Variants in LRGUK observed in about 807,000 individuals in gnomAD.
The protein encoded by LRGUK is leucine rich repeats and guanylate kinase domain containing, also known as leucine-rich repeat and guanylate kinase domain-containing protein.
A neutral mutation model predicts 76.0 loss-of-function variants in LRGUK; 65 were observed. The ratio of observed to expected loss-of-function variants is 0.85; its 90% CI spans 0.70 to 1.05. The LOEUF (loss-of-function observed/expected upper bound fraction) is 1.05. Ranked by LOEUF, LRGUK falls within the 50% of genes least tolerant of loss-of-function variation. The pLI, the probability that LRGUK is intolerant of heterozygous loss-of-function variation, is 0.00. For synonymous variants in LRGUK, 268 were observed against 265.6 expected (o/e 1.01, Z -0.09); for missense variants, 758 against 732.8 (o/e 1.03, Z -0.40).
chr7:134,273,983 ACT>A, the LRGUK span, among the ~76,000 whole-genome samples: 1 of 151,996 alleles, frequency 6.6e-6, no homozygotes, highest in Admixed American at 6.6e-5. Flanking sequence ...GAAGTTTTTA[ACT>A]CTATATTTTC....
intron 16 of LRGUK, among the ~76,000 whole-genome samples, chr7:134,237,106 G>C (rs1585589164): frequency 7.7e-6 from 1 of 129,726 alleles, no homozygotes; most frequent in East Asian, 2.4e-4. Flanking sequence ...CCAGGCTGGA[G>C]TGCAGTGGCA....
At chr7:134,274,034 C>T in the LRGUK span, among the ~76,000 whole-genome samples, 1 of 152,100 alleles carries the variant, frequency 6.6e-6, no homozygotes, top group African/African-American at 2.4e-5. Context: ...TCCTGTCTTC[C>T]ACAAGCAGCA....
chr7:134,249,960 G>A (rs1159529706), intron 18 of LRGUK, among the ~76,000 whole-genome samples: 2 of 152,172 alleles, frequency 1.3e-5, no homozygotes, highest in South Asian at 2.1e-4. Context: ...GCCCTCATAG[G>A]TTGCTGGCTG....
chr7:134,231,954 T>C (rs145541968), intron 16 of LRGUK, among the ~76,000 whole-genome samples: 230 of 152,006 alleles, frequency 1.5e-3, no homozygotes, highest in African/African-American at 5.4e-3. Flanking sequence ...CTTCTTCCCA[T>C]TTCCTCACTT....
At chr7:134,154,108 C>T (rs1798354768) in intron 5 of LRGUK, among the ~76,000 whole-genome samples, 1 of 152,292 alleles carries the variant, frequency 6.6e-6, no homozygotes, top group African/African-American at 2.4e-5. Context: ...TACAATTTCA[C>T]TTTAAAAGAT....
intron 16 of LRGUK, among the ~76,000 whole-genome samples, chr7:134,242,922 C>A (rs536467670): frequency 6.6e-6 from 1 of 152,224 alleles, no homozygotes; most frequent in South Asian, 2.1e-4. Flanking sequence ...TAAAGGTAAT[C>A]CATCATATAA....
intron 11 of LRGUK, among the ~76,000 whole-genome samples, chr7:134,185,247 A>G (rs576778134): frequency 2.0e-5 from 3 of 152,140 alleles, no homozygotes; most frequent in African/African-American, 4.8e-5. Context: ...CACACACACA[A>G]AACTCCAACT....
chr7:134,247,415 T>C, intron 16 of LRGUK, 141 bp from the exon 17 acceptor site: 1 of 532,596 alleles, frequency 1.9e-6, no homozygotes. Flanking sequence ...TGAGTGAATA[T>C]CAATTGTTTT....
intron 6 of LRGUK, 86 bp from the exon 7 acceptor site, chr7:134,163,311 G>T: frequency 1.7e-6 from 2 of 1,208,816 alleles, no homozygotes; most frequent in Admixed American, 2.1e-5. Flanking sequence ...AGAGAGATTT[G>T]GGTCAGTATC....
intron 10 of LRGUK, among the ~76,000 whole-genome samples, chr7:134,182,090 A>G (rs941401340): frequency 1.1e-4 from 17 of 152,228 alleles, no homozygotes; most frequent in Non-Finnish European, 2.4e-4. Flanking sequence ...TAATATAAAT[A>G]GAATCATACA....
the LRGUK span, among the ~76,000 whole-genome samples, chr7:134,271,358 TA>T: frequency 3.9e-5 from 6 of 151,944 alleles, no homozygotes; most frequent in Admixed American, 3.9e-4. Context: ...TTTTAGATCT[TA>T]TGAGTTTCTT....
At chr7:134,160,488 G>C (rs1798680876) in intron 6 of LRGUK, among the ~76,000 whole-genome samples, 1 of 152,022 alleles carries the variant, frequency 6.6e-6, no homozygotes, top group South Asian at 2.1e-4. Context: ...AGTTTTTAAT[G>C]CTTTTATTTT....
At chr7:134,227,154 C>T (rs903585096) in intron 16 of LRGUK, among the ~76,000 whole-genome samples, 11 of 152,096 alleles carry the variant, frequency 7.2e-5, no homozygotes, top group Admixed American at 2.6e-4. Flanking sequence ...TACCAGAGGC[C>T]ACTTATTCCT....
intron 17 of LRGUK, among the ~76,000 whole-genome samples, chr7:134,248,363 C>T (rs1364040039): frequency 6.6e-6 from 1 of 152,194 alleles, no homozygotes; most frequent in Non-Finnish European, 1.5e-5. Flanking sequence ...TTATATGCAA[C>T]TGGGCTGCCT....
At chr7:134,259,497 G>A (rs1797181726) in intron 19 of LRGUK, among the ~76,000 whole-genome samples, 2 of 152,072 alleles carry the variant, frequency 1.3e-5, no homozygotes, top group African/African-American at 4.8e-5. Context: ...GTGACCGGAG[G>A]AACTAGCAAG....
chr7:134,186,661 A>G (rs752608285), intron 11 of LRGUK, among the ~76,000 whole-genome samples: 2 of 152,202 alleles, frequency 1.3e-5, no homozygotes, highest in African/African-American at 4.8e-5. Flanking sequence ...CATTCTTTCA[A>G]TACATATTTA....
chr7:134,217,233 T>C (rs1801459500), intron 15 of LRGUK, among the ~76,000 whole-genome samples: 3 of 151,704 alleles, frequency 2.0e-5, no homozygotes, highest in South Asian at 2.1e-4. Flanking sequence ...GGCCCAAATA[T>C]TGACCCATTA....
chr7:134,208,181 C>T (rs567034010), intron 15 of LRGUK, among the ~76,000 whole-genome samples: 20 of 152,300 alleles, frequency 1.3e-4, no homozygotes, highest in Non-Finnish European at 2.2e-4. Flanking sequence ...TTACATTCAT[C>T]ACCCATTTCC....
chr7:134,251,625 A>T (rs1235161183), intron 18 of LRGUK, among the ~76,000 whole-genome samples: 1 of 152,136 alleles, frequency 6.6e-6, no homozygotes, highest in African/African-American at 2.4e-5. Flanking sequence ...GTTATATGCT[A>T]TGTATGTATT....
Sources: allele counts gnomAD v4.1 joint callset (sites outside exome capture counted in the v4.1 genomes callset), GRCh38; gene constraint gnomAD v4.1.1; transcripts MANE v1.5; gene names NCBI Gene and HGNC (gene_info 2026-07-23, HGNC 2026-07-21).